The following LATS1 variants were observed in gnomAD, a reference collection of about 807,000 sequenced individuals.
LATS1 encodes the protein serine/threonine-protein kinase LATS1.
In LATS1, 25 loss-of-function variants were observed where a neutral mutation model predicts 106.6. The ratio of observed to expected loss-of-function variants is 0.23; its 90% CI spans 0.17 to 0.33. The LOEUF (loss-of-function observed/expected upper bound fraction) is 0.33, where lower values mean the gene tolerates loss of function less well. Among genes scored for constraint, LATS1 ranks in the 10% least tolerant of loss-of-function variants. The pLI is 1.00. For missense variants in LATS1, 1,040 were observed against 1,382.6 expected (o/e 0.75, Z 3.93); for synonymous variants, 465 against 455.6 (o/e 1.02, Z -0.26).
intron 3 of LATS1, among the ~76,000 whole-genome samples, chr6:149,688,409 A>T (rs1251010998): frequency 1.3e-5 from 2 of 151,308 alleles, no homozygotes; most frequent in African/African-American, 4.9e-5. Flanking sequence ...CCCGGGTTTA[A>T]ATGATTCTCC....
rs1253408552 is a variant in LATS1 at position 149,661,976 on chromosome 6, C to T, written c.3146G>A (p.Ser1049Asn). ...TACATTTTCTTCCTCGTTATCATCACTCCATAATTTATCAGGATCAACAGG... is the reference window on the plus strand; with the variant it reads ...TACATTTTCTTCCTCGTTATCATCATTCCATAATTTATCAGGATCAACAGG... Reference protein sequence around the residue: ...FDPVDPDKLWSDDNEEENVND... With the variant: ...FDPVDPDKLWNDDNEEENVND... Residue 1049 changes from serine to asparagine, a missense_variant, in exon 8 of 8, where the codon AGT (serine) becomes AAT (asparagine). Coordinates refer to ENST00000543571, the MANE Select transcript of LATS1 (RefSeq NM_004690.4). 1 of 1,614,134 alleles carries T rather than the reference C, an allele frequency of 6.2e-7. No homozygotes were observed. Among genetic ancestry groups the T allele is most frequent in the Non-Finnish European group, 8.5e-7 (1 of 1,180,022 alleles).
intron 7 of LATS1, among the ~76,000 whole-genome samples, chr6:149,666,998 T>C (rs1781188226): frequency 6.7e-6 from 1 of 148,440 alleles, no homozygotes; most frequent in East Asian, 2.0e-4. Context: ...AAATGAAAGA[T>C]AGGTCTCAGC....
rs758729523 is a variant in LATS1 at position 149,680,173 on chromosome 6, T to A, written c.2295A>T (p.Val765=). The A allele has an allele frequency of 2.5e-6, 4 of 1,614,050 alleles. No homozygotes were observed. The highest frequency in any genetic ancestry group is 1.7e-5 in the Admixed American group (1 of 60,020). Residue 765 remains valine (V), a synonymous_variant, in exon 5 of 8, where the codon GTA becomes GTT. Coordinates refer to ENST00000543571, the MANE Select transcript of LATS1 (RefSeq NM_004690.4). ...DILAEADNEW[V]VRLYYSFQDK... ...CTTGGAATGAATAATATAGACGAAC[T>A]ACCCATTCATTGTCAGCTTCAGCCA...
chr6:149,667,952 G>A (rs553538438), intron 7 of LATS1, among the ~76,000 whole-genome samples: 4 of 152,088 alleles, frequency 2.6e-5, no homozygotes, highest in African/African-American at 7.2e-5. Context: ...ATGGAGTCTC[G>A]GGCTGTCGCC....
Position 149,659,808 on chromosome 6 carries a change from A to G in LATS1, c.*1921T>C. On this transcript the variant is annotated 3_prime_UTR_variant, in exon 8 of 8. Transcript: ENST00000543571. ...GAGGTGAAGACTGCGATTTCATGATAGCACATTGTTTTACAATTCTGATTA... is the reference window on the plus strand; with the variant it reads ...GAGGTGAAGACTGCGATTTCATGATGGCACATTGTTTTACAATTCTGATTA... The G allele has an allele frequency of 4.4e-6, 1 of 226,000 alleles. No homozygotes were observed. The highest frequency in any genetic ancestry group is 6.5e-5 in the East Asian group (1 of 15,492). 14.0% of individuals were successfully genotyped at this position (226,000 alleles called of 1,614,324 possible).
At chr6:149,662,672 T>C (rs551476086) in intron 7 of LATS1, among the ~76,000 whole-genome samples, 7 of 152,178 alleles carry the variant, frequency 4.6e-5, no homozygotes, top group Admixed American at 6.5e-5. Flanking sequence ...TGATAAAACT[T>C]TTTCTGGTGC....
intron 5 of LATS1, among the ~76,000 whole-genome samples, chr6:149,677,508 C>T (rs552026356): frequency 1.9e-4 from 29 of 151,744 alleles, no homozygotes; most frequent in African/African-American, 6.3e-4. Context: ...TTGCAGAGTT[C>T]GAAGCAAGAA....
chr6:149,704,961 T>G (rs1243432936), intron 1 of LATS1, among the ~76,000 whole-genome samples: 1 of 148,828 alleles, frequency 6.7e-6, no homozygotes, highest in Non-Finnish European at 1.5e-5. Flanking sequence ...GACGAAGCCC[T>G]GTAGCAGCCA....
rs1781968268 is a variant in LATS1 at position 149,680,388 on chromosome 6, G to A, written c.2080C>T (p.Arg694Cys). ...MLCQKESNYI[R>C]LKRAKMDKSM... ...TTGTCCATTTTAGCCCTTTTAAGACGGATGTAATTAGATTCTTTTTGGCAA... is the reference window on the plus strand; with the variant it reads ...TTGTCCATTTTAGCCCTTTTAAGACAGATGTAATTAGATTCTTTTTGGCAA... Residue 694 changes from arginine to cysteine, a missense_variant, in exon 5 of 8, where the codon CGT (arginine) becomes TGT (cysteine). Coordinates refer to ENST00000543571, the MANE Select transcript of LATS1 (RefSeq NM_004690.4). 6.2e-7 allele frequency: 1 copy of A among 1,613,524 alleles called. No homozygotes were observed. Among genetic ancestry groups the A allele is most frequent in the Non-Finnish European group, 8.5e-7 (1 of 1,179,852 alleles).
intron 7 of LATS1, among the ~76,000 whole-genome samples, chr6:149,663,856 G>T (rs1781006154): frequency 1.3e-5 from 2 of 150,636 alleles, no homozygotes; most frequent in African/African-American, 4.9e-5. Flanking sequence ...CGCCCAGGAT[G>T]GAGTGCAGTG....
chr6:149,675,401 A>C (rs1414830146), intron 7 of LATS1, among the ~76,000 whole-genome samples: 1 of 152,166 alleles, frequency 6.6e-6, no homozygotes, highest in Non-Finnish European at 1.5e-5. Context: ...GTGTATGGTC[A>C]AAATTGTGGG....
intron 3 of LATS1, among the ~76,000 whole-genome samples, chr6:149,687,758 G>A (rs73608609): frequency 0.018 from 2,668 of 151,320 alleles, 68 homozygotes; most frequent in African/African-American, 0.06. Context: ...TTGTAGAGAC[G>A]GGGTCTCCCT....
At chr6:149,667,496 T>C (rs929492458) in intron 7 of LATS1, among the ~76,000 whole-genome samples, 2 of 105,290 alleles carry the variant, frequency 1.9e-5, no homozygotes, top group East Asian at 3.1e-4. Flanking sequence ...TGCAATTCAA[T>C]CAACTGCTCA....
intron 7 of LATS1, among the ~76,000 whole-genome samples, chr6:149,669,460 T>G (rs184585070): frequency 6.6e-6 from 1 of 152,122 alleles, no homozygotes; most frequent in African/African-American, 2.4e-5. Flanking sequence ...TATGTAGATG[T>G]AATGTATAAA....
At chr6:149,706,208 A>G (rs1783760822) in intron 1 of LATS1, among the ~76,000 whole-genome samples, 1 of 145,210 alleles carries the variant, frequency 6.9e-6, no homozygotes, top group African/African-American at 2.5e-5. Flanking sequence ...AAAAAAAAAA[A>G]AAAAAAAAAA....
chr6:149,679,757 C>T (rs1006444376), intron 5 of LATS1, 118 bp downstream of exon 5: 16 of 722,270 alleles, frequency 2.2e-5, no homozygotes, highest in Middle Eastern at 7.9e-4. Context: ...CCAACAGAAT[C>T]AAGACCTGAC....
chr6:149,694,611 A>G (rs1055020935), intron 3 of LATS1, among the ~76,000 whole-genome samples: 1 of 152,234 alleles, frequency 6.6e-6, no homozygotes, highest in African/African-American at 2.4e-5. Flanking sequence ...CAAGAATCAA[A>G]ATACGCATAG....
chr6:149,718,032 A>G lies in LATS1; in HGVS notation c.-324T>C. ...GTCGTGAGGACCTGGCTCTCCCCTTAACACCAGGCCACCGCCGCCGCCGCC... is the reference window on the plus strand; with the variant it reads ...GTCGTGAGGACCTGGCTCTCCCCTTGACACCAGGCCACCGCCGCCGCCGCC... On this transcript the variant is annotated 5_prime_UTR_variant, in exon 1 of 8. The change abolishes the stop of an existing upstream ORF in the 5' untranslated region. Coordinates refer to ENST00000543571, the MANE Select transcript of LATS1 (RefSeq NM_004690.4). 1 of 342,844 alleles carries G rather than the reference A, an allele frequency of 2.9e-6. No individual in the cohort carries two copies. Among genetic ancestry groups the G allele is most frequent in the Non-Finnish European group, 5.6e-6 (1 of 178,378 alleles). The allele number at this position is 342,844 out of a possible 1,614,324, so 21.2% of individuals were successfully genotyped here.
intron 4 of LATS1, among the ~76,000 whole-genome samples, chr6:149,681,103 C>T (rs1448651316): frequency 6.6e-6 from 1 of 151,988 alleles, no homozygotes; most frequent in Non-Finnish European, 1.5e-5. Context: ...TCTCCTACTT[C>T]GAAAAGAACA....
Sources: gnomAD v4.1 joint callset for allele counts (sites outside exome capture counted in the v4.1 genomes callset) on GRCh38, gnomAD v4.1.1 for gene constraint, MANE v1.5 for transcripts, NCBI Gene and HGNC (gene_info 2026-07-23, HGNC 2026-07-21) for gene names.